The following KIAA0825 variants were observed in gnomAD, a reference collection of about 807,000 sequenced individuals.
The protein encoded by KIAA0825 is KIAA0825, also known as uncharacterized protein KIAA0825.
Under a neutral mutation model 147.6 loss-of-function variants are expected in KIAA0825, and 119 were observed. That is an observed-to-expected ratio of 0.81 (90% CI 0.69 to 0.94). KIAA0825 has a LOEUF of 0.94. KIAA0825 is among the 40% of genes least tolerant of loss of function. KIAA0825 has a pLI of 0.00. For missense variants in KIAA0825, 1,381 were observed against 1,472.7 expected (o/e 0.94, Z 1.02); for synonymous variants, 470 against 518.1 (o/e 0.91, Z 1.26).
At chr5:94,294,667 A>AG (rs1778056298) in intron 20 of KIAA0825, among the ~76,000 whole-genome samples, 1 of 152,228 alleles carries the variant, frequency 6.6e-6, no homozygotes, top group Non-Finnish European at 1.5e-5. Flanking sequence ...TGGAGGTTGC[A>AG]GTGAGCTGAG....
chr5:94,195,666 A>G (rs1015646251), intron 20 of KIAA0825, among the ~76,000 whole-genome samples: 2 of 151,424 alleles, frequency 1.3e-5, no homozygotes, highest in African/African-American at 2.4e-5. Context: ...TTTTTTTTTA[A>G]ATTTAATTTT....
chr5:94,241,750 C>T (rs1398305161), intron 20 of KIAA0825, among the ~76,000 whole-genome samples: 1 of 152,190 alleles, frequency 6.6e-6, no homozygotes, highest in Non-Finnish European at 1.5e-5. Context: ...CTTAGACAGA[C>T]TGGAAATTTC....
At chr5:94,171,303 A>T (rs901061305) in intron 20 of KIAA0825, among the ~76,000 whole-genome samples, 11 of 152,088 alleles carry the variant, frequency 7.2e-5, no homozygotes, top group African/African-American at 2.7e-4. Context: ...GTAAGACGTG[A>T]CTTGCTCCTT....
chr5:94,259,565 A>G (rs1776397476), intron 20 of KIAA0825, among the ~76,000 whole-genome samples: 1 of 152,026 alleles, frequency 6.6e-6, no homozygotes, highest in African/African-American at 2.4e-5. Context: ...TCTATAGTCT[A>G]TTAGTAAACT....
intron 20 of KIAA0825, among the ~76,000 whole-genome samples, chr5:94,347,126 C>T (rs1783092056): frequency 6.6e-6 from 1 of 152,164 alleles, no homozygotes; most frequent in African/African-American, 2.4e-5. Flanking sequence ...GGGAATCTCA[C>T]TTTCATTCCC....
At chr5:94,613,579 G>T (rs1345682376) in intron 1 of KIAA0825, among the ~76,000 whole-genome samples, 1 of 152,204 alleles carries the variant, frequency 6.6e-6, no homozygotes, top group Non-Finnish European at 1.5e-5. Context: ...AAAAGGCCAG[G>T]TGCAGTACCT....
At chr5:94,227,433 A>G (rs1385833712) in intron 20 of KIAA0825, among the ~76,000 whole-genome samples, 1 of 151,974 alleles carries the variant, frequency 6.6e-6, no homozygotes, top group Admixed American at 6.6e-5. Context: ...GCTTTAGGAG[A>G]TATACTTAAT....
chr5:94,371,496 G>A lies in KIAA0825; in HGVS notation c.3710+12872C>T, dbSNP rs374695575. Reference sequence around the variant, plus strand: ...ACTTACAATCATGATGGAAGGGGAAGCAAATACATCCTTCTTTAAAGGCAG... The same window carrying A: ...ACTTACAATCATGATGGAAGGGGAAACAAATACATCCTTCTTTAAAGGCAG... On this transcript the variant is annotated intron_variant, in intron 20 of 20. Coordinates refer to ENST00000682413, the MANE Select transcript of KIAA0825 (RefSeq NM_001145678.3). 2.8e-4 allele frequency among the ~76,000 whole-genome samples: 42 copies of A among 152,258 alleles called. No homozygotes were observed. The East Asian group carries it at 6.2e-3, about 22-fold the overall frequency.
intron 1 of KIAA0825, among the ~76,000 whole-genome samples, chr5:94,598,443 T>C (rs1485117500): frequency 3.3e-5 from 5 of 152,048 alleles, no homozygotes; most frequent in Non-Finnish European, 7.4e-5. Flanking sequence ...TCTATAACAA[T>C]GCTTTTTTTC....
At chr5:94,617,869 T>C (rs1036289349) in intron 1 of KIAA0825, 2 of 152,224 alleles carry the variant, frequency 1.3e-5, no homozygotes, top group African/African-American at 4.8e-5. Context: ...CAAGCATTCC[T>C]TTCTGAAAGC....
At chr5:94,319,658 T>G (rs1247685243) in intron 20 of KIAA0825, among the ~76,000 whole-genome samples, 1 of 151,972 alleles carries the variant, frequency 6.6e-6, no homozygotes, top group Non-Finnish European at 1.5e-5. Flanking sequence ...GTTCTATTTT[T>G]CATATTGTTT....
At chr5:94,603,884 G>A (rs1786987502) in intron 1 of KIAA0825, among the ~76,000 whole-genome samples, 1 of 152,238 alleles carries the variant, frequency 6.6e-6, no homozygotes, top group African/African-American at 2.4e-5. Context: ...TAAATACCCT[G>A]AATATATATG....
At chr5:94,364,671 A>G (rs916033585) in intron 20 of KIAA0825, among the ~76,000 whole-genome samples, 10 of 151,548 alleles carry the variant, frequency 6.6e-5, no homozygotes, top group African/African-American at 2.4e-4. Context: ...TCATTCTCCA[A>G]CTCTGGTTGT....
At chr5:94,232,000 TTA>T (rs1487621212) in intron 20 of KIAA0825, among the ~76,000 whole-genome samples, 1 of 152,136 alleles carries the variant, frequency 6.6e-6, no homozygotes, top group Non-Finnish European at 1.5e-5. Context: ...TTTGAATTTT[TTA>T]TATGTTGCTT....
intron 2 of KIAA0825, among the ~76,000 whole-genome samples, chr5:94,559,470 A>G (rs1777164708): frequency 6.6e-6 from 1 of 152,198 alleles, no homozygotes. Flanking sequence ...TGGAAATGAA[A>G]ACAAACTAAC....
At chr5:94,566,059 G>A (rs781281526) in intron 2 of KIAA0825, among the ~76,000 whole-genome samples, 2 of 152,174 alleles carry the variant, frequency 1.3e-5, no homozygotes, top group Non-Finnish European at 2.9e-5. Context: ...ATTTCACTTA[G>A]TGTAATGTCC....
intron 1 of KIAA0825, among the ~76,000 whole-genome samples, chr5:94,611,478 T>C (rs944889327): frequency 2.2e-4 from 34 of 152,122 alleles, no homozygotes; most frequent in African/African-American, 7.5e-4. Context: ...ACTAAACTTA[T>C]GGATCTCTAC....
chr5:94,331,856 C>T (rs1387686420), intron 20 of KIAA0825, among the ~76,000 whole-genome samples: 1 of 151,920 alleles, frequency 6.6e-6, no homozygotes, highest in Non-Finnish European at 1.5e-5. Flanking sequence ...CACAGAAAAT[C>T]AGAAACATGG....
Position 94,289,069 on chromosome 5 carries a change from T to G in KIAA0825, c.3710+95299A>C, listed in dbSNP as rs183097339. 3.0e-3 allele frequency among the ~76,000 whole-genome samples: 457 copies of G among 152,302 alleles called. 1 individual carries two copies. Among genetic ancestry groups the G allele is most frequent in the Non-Finnish European group, 5.0e-3 (340 of 68,020 alleles). On this transcript the variant is annotated intron_variant, in intron 20 of 20. Coordinates refer to ENST00000682413, the MANE Select transcript of KIAA0825 (RefSeq NM_001145678.3). ...GCCCAAGTACTTTTCCCTCTGTCTTTTGCAGTACCCTTTTGTGTAACAGCA... is the reference window on the plus strand; with the variant it reads ...GCCCAAGTACTTTTCCCTCTGTCTTGTGCAGTACCCTTTTGTGTAACAGCA...
Sources: allele counts gnomAD v4.1 joint callset (sites outside exome capture counted in the v4.1 genomes callset), GRCh38; gene constraint gnomAD v4.1.1; transcripts MANE v1.5; gene names NCBI Gene and HGNC (gene_info 2026-07-23, HGNC 2026-07-21).